SEC63: variants seen among roughly 807,000 people sequenced by gnomAD.
SEC63 encodes the protein translocation protein SEC63 homolog.
Under a neutral mutation model 116.2 loss-of-function variants are expected in SEC63, and 56 were observed. The observed-to-expected ratio is 0.48, with a 90% CI of 0.39 to 0.60. The LOEUF (loss-of-function observed/expected upper bound fraction) is 0.60. Ranked by LOEUF, SEC63 falls within the 20% of genes least tolerant of loss-of-function variation. The pLI, the probability that SEC63 is intolerant of heterozygous loss-of-function variation, is 0.00. For missense variants in SEC63, 668 were observed against 900.0 expected (o/e 0.74, Z 3.30); for synonymous variants, 273 against 294.6 (o/e 0.93, Z 0.75).
intron 1 of SEC63, among the ~76,000 whole-genome samples, chr6:107,946,015 T>G (rs1297849769): frequency 6.6e-6 from 1 of 151,650 alleles, no homozygotes; most frequent in Non-Finnish European, 1.5e-5. Flanking sequence ...CAGCTCACTG[T>G]AACCTCTGCC....
chr6:107,944,424 G>A (rs941043347), intron 1 of SEC63, among the ~76,000 whole-genome samples: 5 of 152,170 alleles, frequency 3.3e-5, no homozygotes, highest in Non-Finnish European at 7.3e-5. Flanking sequence ...TGGGCTAGGT[G>A]CAGCGGCTCA....
At chr6:107,917,172 A>T (rs969000649) in intron 4 of SEC63, among the ~76,000 whole-genome samples, 4 of 152,246 alleles carry the variant, frequency 2.6e-5, no homozygotes, top group African/African-American at 4.8e-5. Flanking sequence ...CTCCTGCTGC[A>T]GTTAACTAGC....
At chr6:107,925,728 T>A (rs552341936) in intron 2 of SEC63, among the ~76,000 whole-genome samples, 1 of 152,328 alleles carries the variant, frequency 6.6e-6, no homozygotes, top group African/African-American at 2.4e-5. Context: ...ATACATACCG[T>A]TTTTCTATCA....
chr6:107,901,569 T>C, intron 12 of SEC63, 52 bp from the exon 13 acceptor site: 1 of 1,337,486 alleles, frequency 7.5e-7, no homozygotes, highest in Non-Finnish European at 1.0e-6. Flanking sequence ...ACAAAGCTTT[T>C]CATAAAAAGA....
At chr6:107,933,243 T>C (rs959543655) in intron 1 of SEC63, among the ~76,000 whole-genome samples, 5 of 152,154 alleles carry the variant, frequency 3.3e-5, no homozygotes, top group African/African-American at 9.7e-5. Context: ...CAGAAGGAAG[T>C]AGCCCTGCCA....
At chr6:107,878,543 A>G (rs1459255778) in intron 18 of SEC63, among the ~76,000 whole-genome samples, 2 of 152,216 alleles carry the variant, frequency 1.3e-5, no homozygotes, top group Non-Finnish European at 2.9e-5. Context: ...CTATTTAATT[A>G]CAATGAGATT....
chr6:107,892,972 G>C (rs887163682), intron 16 of SEC63, among the ~76,000 whole-genome samples: 1 of 152,080 alleles, frequency 6.6e-6, no homozygotes, highest in Non-Finnish European at 1.5e-5. Flanking sequence ...GGTGGAAAAT[G>C]ACTGCCCACA....
chr6:107,879,275 T>C (rs1240189097), intron 18 of SEC63, among the ~76,000 whole-genome samples: 1 of 152,230 alleles, frequency 6.6e-6, no homozygotes, highest in Admixed American at 6.5e-5. Context: ...GCAATTCTCC[T>C]GCCTCAGCCT....
intron 1 of SEC63, among the ~76,000 whole-genome samples, chr6:107,946,329 T>C (rs1326884247): frequency 6.6e-6 from 1 of 151,660 alleles, no homozygotes; most frequent in Non-Finnish European, 1.5e-5. Context: ...ACCTCCCGGG[T>C]CCAAGCAATT....
intron 7 of SEC63, among the ~76,000 whole-genome samples, chr6:107,909,929 T>C (rs888282939): frequency 2.0e-5 from 3 of 152,204 alleles, no homozygotes; most frequent in African/African-American, 7.2e-5. Context: ...CGTATTATAG[T>C]ATTATACAGC....
At chr6:107,892,213 T>C (rs1043618355) in intron 16 of SEC63, among the ~76,000 whole-genome samples, 8 of 152,156 alleles carry the variant, frequency 5.3e-5, no homozygotes, top group Admixed American at 1.3e-4. Flanking sequence ...ATTCCCTGAC[T>C]GGGGCTGCTG....
chr6:107,906,513 A>T lies in SEC63; in HGVS notation c.896T>A (p.Leu299Gln). The change falls in exon 10 of 21, where the codon CTG becomes CAG. Residue 299 changes from leucine (L) to glutamine (Q), a missense_variant. This residue lies in a region of SEC63 where 430 missense variants were observed against 557.5 expected (regional missense o/e 0.77). Coordinates refer to ENST00000369002, the MANE Select transcript of SEC63 (RefSeq NM_007214.5). ...AGACAGTAAAAGAACTCTGGCCTTC[A>T]GGCTATATGGGCAGGTAAGTGGAGG... ...NEPPLTCPYS[L>Q]KARVLLLSHL... The T allele has an allele frequency of 6.2e-7, 1 of 1,613,934 alleles. No individual in the cohort carries two copies. The highest frequency in any genetic ancestry group is 8.5e-7 in the Non-Finnish European group (1 of 1,179,760).
rs1786894702 is a variant in SEC63, at chr6:107,897,730, C to T, written c.1359G>A (p.Val453=). The change falls in exon 14 of 21, where the codon GTG becomes GTA. Residue 453 remains valine, a splice_region_variant and synonymous_variant. Transcript: ENST00000369002. ...TGTTGTTGCTATCTTCATCATCTAA[C>T]ACTGTTAAGATGGAAGAAAAAAAAC... is the stretch of plus-strand genomic sequence containing the variant. The part of the protein sequence containing the change: ...PYVTMDIKSQ[V]LDDEDSNNIT... 1 of 1,591,178 alleles carries T rather than the reference C, an allele frequency of 6.3e-7. No individual in the cohort carries two copies. Among genetic ancestry groups the T allele is most frequent in the Non-Finnish European group, 8.6e-7 (1 of 1,159,528 alleles).
At chr6:107,900,400 G>A (rs1377369245) in intron 13 of SEC63, among the ~76,000 whole-genome samples, 12 of 152,100 alleles carry the variant, frequency 7.9e-5, no homozygotes, top group African/African-American at 2.2e-4. Context: ...ACAGCACTGC[G>A]GGAGGCCAAG....
intron 1 of SEC63, among the ~76,000 whole-genome samples, chr6:107,940,372 T>TC (rs1770349800): frequency 6.6e-6 from 1 of 152,218 alleles, no homozygotes; most frequent in Non-Finnish European, 1.5e-5. Context: ...TATCTCTTTT[T>TC]CTTTTCCTTT....
chr6:107,913,296 CT>C, intron 5 of SEC63, 69 bp downstream of exon 5: 1 of 997,736 alleles, frequency 1.0e-6, no homozygotes, highest in Non-Finnish European at 1.6e-6. Flanking sequence ...AATATTATTC[CT>C]TTAATCTGGT....
At chr6:107,902,211 A>T (rs758883027) in intron 12 of SEC63, among the ~76,000 whole-genome samples, 2 of 152,144 alleles carry the variant, frequency 1.3e-5, no homozygotes, top group Non-Finnish European at 2.9e-5. Context: ...TGAGTACTTA[A>T]AAGGACAGAG....
At chr6:107,906,009 C>A (rs1160343888) in intron 10 of SEC63, among the ~76,000 whole-genome samples, 11 of 152,166 alleles carry the variant, frequency 7.2e-5, no homozygotes, top group African/African-American at 2.7e-4. Flanking sequence ...TGTCCCCACC[C>A]AAATCTCATG....
intron 1 of SEC63, among the ~76,000 whole-genome samples, chr6:107,956,648 G>C (rs1770718874): frequency 6.6e-6 from 1 of 152,068 alleles, no homozygotes; most frequent in South Asian, 2.1e-4. Context: ...ACAAAATGAT[G>C]CAATCCTTTG....
Sources: allele counts gnomAD v4.1 joint callset (sites outside exome capture counted in the v4.1 genomes callset), GRCh38; gene constraint gnomAD v4.1.1; regional missense constraint gnomAD v4.1.1; transcripts MANE v1.5; gene names NCBI Gene and HGNC (gene_info 2026-07-23, HGNC 2026-07-21).